Variants in FBN2 observed in about 807,000 individuals in gnomAD.
The protein encoded by FBN2 is fibrillin-2.
FBN2 carries 105 observed loss-of-function variants against 355.6 expected under a neutral mutation model. The ratio of observed to expected loss-of-function variants is 0.30; its 90% CI spans 0.25 to 0.35. FBN2 has a LOEUF of 0.35. FBN2 is among the 10% of genes least tolerant of loss of function. FBN2 has a pLI of 1.00. For missense variants in FBN2, 3,280 were observed against 3,758.7 expected (o/e 0.87, Z 3.33); for synonymous variants, 1,350 against 1,301.2 (o/e 1.04, Z -0.81).
chr5:128,395,953 G>T (rs1375314035), intron 8 of FBN2, among the ~76,000 whole-genome samples: 2 of 152,158 alleles, frequency 1.3e-5, no homozygotes, highest in Non-Finnish European at 1.5e-5. Flanking sequence ...GAAGACAATG[G>T]TTTACATTTT....
intron 35 of FBN2, 98 bp downstream of exon 35, chr5:128,318,781 A>T: frequency 7.7e-7 from 1 of 1,291,362 alleles, no homozygotes; most frequent in Non-Finnish European, 1.1e-6. Flanking sequence ...AACCTAATGC[A>T]TAGATTAGCT....
intron 41 of FBN2, among the ~76,000 whole-genome samples, chr5:128,308,628 T>C (rs545000625): frequency 6.9e-4 from 105 of 152,248 alleles, no homozygotes; most frequent in Non-Finnish European, 1.3e-3. Flanking sequence ...ACAAGCATTT[T>C]TGCTCTTATC....
chr5:128,363,354 T>C (rs1751688165), intron 18 of FBN2, among the ~76,000 whole-genome samples: 1 of 152,062 alleles, frequency 6.6e-6, no homozygotes, highest in South Asian at 2.1e-4. Flanking sequence ...CATGCCCAGC[T>C]AATTTTTGTA....
intron 25 of FBN2, among the ~76,000 whole-genome samples, chr5:128,342,608 C>A (rs1412223553): frequency 2.6e-5 from 4 of 152,004 alleles, no homozygotes; most frequent in African/African-American, 7.3e-5. Context: ...GAGGAGCGAA[C>A]CTGCTGAGAC....
In FBN2 at chr5:128,519,328, G is replaced by A. The variant is rs370698125; in HGVS notation, c.573C>T (p.Ile191=). Residue 191 remains isoleucine, a synonymous_variant, in exon 5 of 65, where the codon ATC becomes ATT. Transcript: ENST00000262464. ...AAACACAAGCACAGCGGTTGGGTCC[G>A]ATGCAACGTCCACCATTCTGACATC... is the stretch of plus-strand genomic sequence containing the variant. The part of the protein sequence containing the change: ...ENGCQNGGRC[I]GPNRCACVYG... The A allele has an allele frequency of 1.2e-5, 20 of 1,613,800 alleles. No homozygotes were observed. The highest frequency in any genetic ancestry group is 1.6e-5 in the Non-Finnish European group (19 of 1,179,948).
At chr5:128,289,786 T>C (rs1322534570) in intron 51 of FBN2, 96 bp downstream of exon 51, 6 of 745,252 alleles carry the variant, frequency 8.1e-6, no homozygotes, top group East Asian at 2.7e-5. Context: ...ATATACTATA[T>C]GTTACATAGT....
At chr5:128,298,485 A>G (rs1444440697) in intron 48 of FBN2, among the ~76,000 whole-genome samples, 1 of 151,778 alleles carries the variant, frequency 6.6e-6, no homozygotes, top group Non-Finnish European at 1.5e-5. Context: ...AATCAGACGT[A>G]GATTTGGTCT....
intron 5 of FBN2, among the ~76,000 whole-genome samples, chr5:128,515,485 G>A (rs1756257299): frequency 6.6e-6 from 1 of 152,072 alleles, no homozygotes; most frequent in South Asian, 2.1e-4. Context: ...TTCATGATGG[G>A]GTGAGTGAGT....
intron 7 of FBN2, among the ~76,000 whole-genome samples, chr5:128,431,109 T>G (rs1753615301): frequency 1.3e-5 from 2 of 152,110 alleles, no homozygotes; most frequent in South Asian, 4.1e-4. Flanking sequence ...AGAGAAGTAA[T>G]ATAACGAAGA....
Position 128,305,583 on chromosome 5 carries a change from T to A in FBN2, c.5602A>T (p.Ile1868Phe), listed in dbSNP as rs150931558. 37 of 1,613,938 alleles carry A rather than the reference T, an allele frequency of 2.3e-5. No homozygotes were observed. The African/African-American group carries it at 4.8e-4, about 21-fold the overall frequency. ...DNLCQRNADC[I>F]NSPGSYRCEC... ...CAGCGGTAACTACCAGGACTATTGA[T>A]GCAGTCTGCATTCCGCTGGCAGAGA... is the stretch of plus-strand genomic sequence containing the variant. The change falls in exon 44 of 65, where the codon ATC becomes TTC. Residue 1868 changes from isoleucine (I) to phenylalanine (F), a missense_variant. Around this residue, in one of 6 missense-constraint regions of FBN2, gnomAD observed 2,284 missense variants for 2,749.5 expected, o/e 0.83. Transcript: ENST00000262464.
chr5:128,527,094 G>A (rs958779865), intron 4 of FBN2, among the ~76,000 whole-genome samples: 6 of 151,974 alleles, frequency 3.9e-5, no homozygotes, highest in African/African-American at 9.7e-5. Context: ...AGTAAAAAGG[G>A]ACTTATATTT....
intron 6 of FBN2, among the ~76,000 whole-genome samples, chr5:128,454,325 T>C (rs1016438101): frequency 3.9e-5 from 6 of 152,354 alleles, no homozygotes; most frequent in Middle Eastern, 3.4e-3. Flanking sequence ...TATCTTTAAA[T>C]AGGAGTTTCT....
chr5:128,305,805 A>G lies in FBN2; in HGVS notation c.5548+18T>C. 1.2e-6 allele frequency: 2 copies of G among 1,612,010 alleles called. No homozygotes were observed. The highest frequency in any genetic ancestry group is 8.5e-7 in the Non-Finnish European group (1 of 1,178,034). ...TACCAAATTATACTGGATAAAGGAC[A>G]TACTTTATTCAGATTACCTTCACAA... is the stretch of plus-strand genomic sequence containing the variant. On this transcript the variant is annotated intron_variant, in intron 43 of 64. Transcript: ENST00000262464.
chr5:128,383,538 G>A (rs1408628921), intron 11 of FBN2, among the ~76,000 whole-genome samples: 2 of 152,040 alleles, frequency 1.3e-5, no homozygotes, highest in Non-Finnish European at 2.9e-5. Context: ...GCAAGCCACA[G>A]GCTAGGAGAA....
intron 45 of FBN2, among the ~76,000 whole-genome samples, chr5:128,303,821 C>A (rs1749787005): frequency 6.6e-6 from 1 of 152,126 alleles, no homozygotes; most frequent in South Asian, 2.1e-4. Flanking sequence ...AATTCTGAAT[C>A]ATAAATCTCA....
intron 5 of FBN2, among the ~76,000 whole-genome samples, chr5:128,501,786 A>G (rs1345937061): frequency 1.2e-4 from 18 of 152,176 alleles, no homozygotes. Context: ...ACTAATTGGC[A>G]AAAACAACAG....
At chr5:128,461,889 G>A (rs1754568459) in intron 6 of FBN2, among the ~76,000 whole-genome samples, 1 of 151,862 alleles carries the variant, frequency 6.6e-6, no homozygotes, top group Admixed American at 6.6e-5. Context: ...AGGTCAATAG[G>A]TGCGGCAAAC....
intron 15 of FBN2, among the ~76,000 whole-genome samples, chr5:128,373,812 G>T (rs1262588250): frequency 6.6e-6 from 1 of 151,996 alleles, no homozygotes; most frequent in African/African-American, 2.4e-5. Flanking sequence ...GATTTTCATG[G>T]GATCAATTTG....
intron 7 of FBN2, among the ~76,000 whole-genome samples, chr5:128,445,763 A>G (rs1286863795): frequency 6.6e-6 from 1 of 152,182 alleles, no homozygotes; most frequent in African/African-American, 2.4e-5. Flanking sequence ...CTAAATATCC[A>G]TGATCATTGA....
Sources: gnomAD v4.1 joint callset for allele counts (sites outside exome capture counted in the v4.1 genomes callset) on GRCh38, gnomAD v4.1.1 for gene constraint, gnomAD v4.1.1 regional missense constraint, MANE v1.5 for transcripts, NCBI Gene and HGNC (gene_info 2026-07-23, HGNC 2026-07-21) for gene names.